Variants in CRAMP1 observed in about 807,000 individuals in gnomAD.
CRAMP1 encodes cramped chromatin regulator 1.
In CRAMP1, 50 loss-of-function variants were observed where a neutral mutation model predicts 115.4. The observed-to-expected ratio is 0.43, with a 90% CI of 0.35 to 0.55. The LOEUF (loss-of-function observed/expected upper bound fraction) is 0.55, where lower values mean the gene tolerates loss of function less well. CRAMP1 is among the 20% of genes least tolerant of loss of function. The pLI, the probability that CRAMP1 is intolerant of heterozygous loss-of-function variation, is 0.01. For missense variants in CRAMP1, 1,679 were observed against 1,721.7 expected (o/e 0.98, Z 0.44); for synonymous variants, 866 against 745.4 (o/e 1.16, Z -2.64).
chr16:1,625,180 G>A (rs569036601), intron 2 of CRAMP1, among the ~76,000 whole-genome samples: 5 of 152,148 alleles, frequency 3.3e-5, no homozygotes, highest in Non-Finnish European at 7.3e-5. Context: ...ATGGGTGGGA[G>A]GAATGTGTTA....
rs2036982578 is a variant in CRAMP1, at chr16:1,677,724, G to A, written c.*3679G>A. On this transcript the variant is annotated 3_prime_UTR_variant, in exon 21 of 21. Coordinates refer to ENST00000397412, the MANE Select transcript of CRAMP1 (RefSeq NM_020825.4). ...ATACAGTGTATGTATAAAGCAGAAT[G>A]CCTGCCTTTCCTGGTTATTTTTTGT... 1 of 152,636 alleles carries A rather than the reference G, an allele frequency of 6.6e-6. No homozygotes were observed. The highest frequency in any genetic ancestry group is 6.5e-5 in the Admixed American group (1 of 15,274). The allele number at this position is 152,636 out of a possible 1,614,324, so 9.5% of individuals were successfully genotyped here.
At chr16:1,664,180 G>A (rs753376178) in intron 13 of CRAMP1, among the ~76,000 whole-genome samples, 7 of 152,170 alleles carry the variant, frequency 4.6e-5, no homozygotes, top group Non-Finnish European at 8.8e-5. Context: ...ACACTTTTTT[G>A]TTCATGTTTT....
chr16:1,669,106 C>A lies in CRAMP1; in HGVS notation c.3440C>A (p.Thr1147Asn). The stretch of plus-strand genomic sequence containing the variant: ...CAGCCACACTGGATCGCCTCTCCCA[C>A]CCACGACCCCCAGTGGTACCCCAGT... The part of the protein sequence containing the change: ...SPQPHWIASP[T>N]HDPQWYPSDS... Residue 1147 changes from threonine to asparagine, a missense_variant, in exon 19 of 21, where the codon ACC (threonine) becomes AAC (asparagine). This residue lies in a region of CRAMP1 where 709 missense variants were observed against 741.9 expected (regional missense o/e 0.96). Transcript: ENST00000397412. The surrounding 1 kb of genome is among the most constrained non-coding windows in gnomAD (Gnocchi z 4.6). 1 of 1,610,888 alleles carries A rather than the reference C, an allele frequency of 6.2e-7. No individual in the cohort carries two copies. Among genetic ancestry groups the A allele is most frequent in the Non-Finnish European group, 8.5e-7 (1 of 1,178,618 alleles).
intron 4 of CRAMP1, among the ~76,000 whole-genome samples, chr16:1,632,902 T>C (rs2036558165): frequency 6.6e-6 from 1 of 152,234 alleles, no homozygotes; most frequent in South Asian, 2.1e-4. Flanking sequence ...TGGTGGCTTC[T>C]CCGGATGATG....
Position 1,660,042 on chromosome 16 carries a change from A to G in CRAMP1, c.2392A>G (p.Ser798Gly). 6.3e-7 allele frequency: 1 copy of G among 1,590,854 alleles called. No individual in the cohort carries two copies. Among genetic ancestry groups the G allele is most frequent in the Non-Finnish European group, 8.5e-7 (1 of 1,175,830 alleles). ...SLRSSKTFPP[S>G]SAPCSSGLRN... ...CCGCAGCAGCAAGACCTTCCCGCCC[A>G]GCTCTGCACCCTGCTCCTCAGGTGA... The change falls in exon 11 of 21, where the codon AGC (serine) becomes GGC (glycine). Residue 798 changes from serine (S) to glycine (G), a missense_variant. By Grantham distance (56) the Ser-to-Gly change is moderately conservative (BLOSUM62 0). Transcript: ENST00000397412.
chr16:1,654,273 G>T (rs574848223), intron 8 of CRAMP1, among the ~76,000 whole-genome samples: 2 of 150,130 alleles, frequency 1.3e-5, no homozygotes, highest in Admixed American at 1.3e-4. Context: ...TGCAAATGGC[G>T]CAGTCTCGGC....
In CRAMP1 at chr16:1,666,792, T is replaced by TG. The variant is rs1403292277; in HGVS notation, c.3036+196dup. On this transcript the variant is annotated intron_variant, in intron 16 of 20. Coordinates refer to ENST00000397412, the MANE Select transcript of CRAMP1 (RefSeq NM_020825.4). The surrounding 1 kb of genome is among the most constrained non-coding windows in gnomAD (Gnocchi z 5.0). ...GGCCTCCGGAGCCACTGACGAAAGGTGGGGACAGGCTTGCCATGTGGCACT... is the reference window on the plus strand; with the variant it reads ...GGCCTCCGGAGCCACTGACGAAAGGTGGGGGACAGGCTTGCCATGTGGCACT... Among the ~76,000 whole-genome samples, 1 of 152,118 alleles carries TG rather than the reference T, an allele frequency of 6.6e-6. No individual in the cohort carries two copies. Among genetic ancestry groups the TG allele is most frequent in the East Asian group, 1.9e-4 (1 of 5,188 alleles).
chr16:1,662,713 G>T (rs368204330), intron 12 of CRAMP1, 42 bp downstream of exon 12: 4 of 1,613,652 alleles, frequency 2.5e-6, no homozygotes, highest in Non-Finnish European at 3.4e-6. Flanking sequence ...GAGCGTCCCC[G>T]TGGTCTGGAG....
chr16:1,669,184 C>A lies in CRAMP1; in HGVS notation c.3499+19C>A. ...CTGTTTGGTGAGTGTATGGGGAGGG[C>A]TCCCATCTCCTTTTCCAGGGCAGCA... On this transcript the variant is annotated intron_variant, in intron 19 of 20. Coordinates refer to ENST00000397412, the MANE Select transcript of CRAMP1 (RefSeq NM_020825.4). This position sits in a 1 kb window ranked among gnomAD's most constrained non-coding sequence, Gnocchi z 4.6. The A allele has an allele frequency of 6.5e-7, 1 of 1,543,278 alleles. No homozygotes were observed. The highest frequency in any genetic ancestry group is 8.7e-7 in the Non-Finnish European group (1 of 1,144,458).
intron 10 of CRAMP1, 51 bp downstream of exon 10, chr16:1,657,043 C>T (rs952180267): frequency 6.5e-5 from 93 of 1,435,672 alleles, no homozygotes; most frequent in Non-Finnish European, 8.3e-5. Flanking sequence ...AAGCCAGGCC[C>T]AGCCTTGGAG....
At chr16:1,644,948 C>G (rs74594000) in intron 6 of CRAMP1, among the ~76,000 whole-genome samples, 1 of 151,918 alleles carries the variant, frequency 6.6e-6, no homozygotes, top group African/African-American at 2.4e-5. Context: ...GTGATCCTCC[C>G]GTCTTGGCCT....
intron 6 of CRAMP1, among the ~76,000 whole-genome samples, chr16:1,641,739 G>T (rs1374274462): frequency 1.3e-5 from 2 of 152,190 alleles, no homozygotes; most frequent in Non-Finnish European, 2.9e-5. Context: ...TGCTGCTGTT[G>T]GGCTGCACTT....
chr16:1,638,441 G>T lies in CRAMP1; in HGVS notation c.778+534G>T, dbSNP rs1022087411. Among the ~76,000 whole-genome samples, 3 of 152,216 alleles carry T rather than the reference G, an allele frequency of 2.0e-5. No individual in the cohort carries two copies. The South Asian group carries it at 6.2e-4, about 31-fold the overall frequency. ...TGACTTAGAGCGGCCGCACTGCCTG[G>T]GCTTCTGAGACATTGCAACGCGCTC... On this transcript the variant is annotated intron_variant, in intron 5 of 20. Coordinates refer to ENST00000397412, the MANE Select transcript of CRAMP1 (RefSeq NM_020825.4).
chr16:1,644,634 A>C (rs1401226941), intron 6 of CRAMP1, among the ~76,000 whole-genome samples: 2 of 152,146 alleles, frequency 1.3e-5, no homozygotes. Context: ...CACCTGGCCC[A>C]GGGAAAGGAA....
At chr16:1,652,908 C>A in intron 7 of CRAMP1, 125 bp from the exon 8 acceptor site, 1 of 1,180,014 alleles carries the variant, frequency 8.5e-7, no homozygotes, top group Non-Finnish European at 1.2e-6. Flanking sequence ...TTTCTCTGCT[C>A]TCCTTGCCTC....
Position 1,669,977 on chromosome 16 carries a change from G to A in CRAMP1, c.3500-687G>A, listed in dbSNP as rs1297707094. Among the ~76,000 whole-genome samples, 2 of 152,180 alleles carry A rather than the reference G, an allele frequency of 1.3e-5. No individual in the cohort carries two copies. Among genetic ancestry groups the A allele is most frequent in the Non-Finnish European group, 2.9e-5 (2 of 68,028 alleles). On this transcript the variant is annotated intron_variant, in intron 19 of 20. Coordinates refer to ENST00000397412, the MANE Select transcript of CRAMP1 (RefSeq NM_020825.4). The surrounding 1 kb of genome is among the most constrained non-coding windows in gnomAD (Gnocchi z 4.6). ...GTCACACGTAAATCTTGAAAAACTG[G>A]AAACAGGCCAGGCGTGGTGGCTCAT...
intron 12 of CRAMP1, 28 bp downstream of exon 12, chr16:1,662,699 G>A (rs201437183): frequency 7.1e-5 from 115 of 1,613,612 alleles, no homozygotes; most frequent in African/African-American, 4.3e-4. Context: ...GGCCGCCCGC[G>A]TGCGAGCGTC....
At chr16:1,670,867 C>T in intron 20 of CRAMP1, 58 bp downstream of exon 20, 1 of 1,556,622 alleles carries the variant, frequency 6.4e-7, no homozygotes, top group South Asian at 1.1e-5. Flanking sequence ...CAGAGGTTGC[C>T]AGCACTCTCC....
At chr16:1,629,015 G>A (rs898354882) in intron 3 of CRAMP1, among the ~76,000 whole-genome samples, 1 of 152,196 alleles carries the variant, frequency 6.6e-6, no homozygotes, top group Non-Finnish European at 1.5e-5. Flanking sequence ...CAGGGCACTC[G>A]CCTCCTTCCT....
Sources: gnomAD v4.1 joint callset for allele counts (sites outside exome capture counted in the v4.1 genomes callset) on GRCh38, gnomAD v4.1.1 for gene constraint, gnomAD v4.1.1 regional missense constraint, Gnocchi (gnomAD v3.1) non-coding constraint, MANE v1.5 for transcripts, NCBI Gene and HGNC (gene_info 2026-07-23, HGNC 2026-07-21) for gene names.